The following MIS18BP1 variants were observed in gnomAD, a reference collection of about 807,000 sequenced individuals.
MIS18BP1 encodes the protein mis18-binding protein 1.
A neutral mutation model predicts 116.1 loss-of-function variants in MIS18BP1; 72 were observed. That is an observed-to-expected ratio of 0.62 (90% CI 0.51 to 0.75). The LOEUF is 0.75. Among genes scored for constraint, MIS18BP1 ranks in the 30% least tolerant of loss-of-function variants. The pLI is 0.00. For missense variants in MIS18BP1, 1,363 were observed against 1,303.2 expected (o/e 1.05, Z -0.71); for synonymous variants, 386 against 427.0 (o/e 0.90, Z 1.18).
intron 2 of MIS18BP1, among the ~76,000 whole-genome samples, chr14:45,245,784 A>T (rs1891707208): frequency 6.6e-6 from 1 of 152,216 alleles, no homozygotes; most frequent in South Asian, 2.1e-4. Context: ...TGCTTTTAAA[A>T]TACCATTTAG....
intron 1 of MIS18BP1, among the ~76,000 whole-genome samples, chr14:45,252,785 AT>A (rs1186192906): frequency 1.4e-3 from 207 of 148,360 alleles, no homozygotes; most frequent in Middle Eastern, 6.9e-3. Flanking sequence ...AAAAAAAAAA[AT>A]TTATTTTAGA....
intron 14 of MIS18BP1, 150 bp downstream of exon 14, chr14:45,210,230 G>C: frequency 1.3e-6 from 1 of 743,348 alleles, no homozygotes; most frequent in Non-Finnish European, 2.1e-6. Flanking sequence ...TGATGAACTT[G>C]TCCATCCTTA....
intron 11 of MIS18BP1, among the ~76,000 whole-genome samples, chr14:45,221,171 G>C (rs1890962289): frequency 6.6e-6 from 1 of 151,876 alleles, no homozygotes; most frequent in African/African-American, 2.4e-5. Flanking sequence ...GGGCGCGGTG[G>C]CTCAAGCCTG....
At chr14:45,206,227 T>C in intron 14 of MIS18BP1, 57 bp from the exon 15 acceptor site, 1 of 1,188,700 alleles carries the variant, frequency 8.4e-7, no homozygotes, top group Non-Finnish European at 1.2e-6. Flanking sequence ...ACCTAATAAT[T>C]TTAAGTTAAC....
At chr14:45,215,131 G>A (rs1890780541) in intron 13 of MIS18BP1, among the ~76,000 whole-genome samples, 2 of 152,180 alleles carry the variant, frequency 1.3e-5, no homozygotes, top group Admixed American at 1.3e-4. Context: ...GGGATAAAGG[G>A]TACAACCCCT....
intron 4 of MIS18BP1, among the ~76,000 whole-genome samples, chr14:45,241,060 G>T (rs1006235672): frequency 6.6e-6 from 1 of 152,188 alleles, no homozygotes; most frequent in Non-Finnish European, 1.5e-5. Flanking sequence ...AGGATTGCTT[G>T]AGCCCAAAAG....
Position 45,242,024 on chromosome 14 carries a change from G to A in MIS18BP1, c.1143+10C>T, listed in dbSNP as rs777514496. ...ATAGAAATAAATATCTGTCTTAAAA[G>A]TTTTCCCACCTGATTTTTTTTAAGT... On this transcript the variant is annotated intron_variant, in intron 4 of 16. Transcript: ENST00000310806. 4 of 1,589,092 alleles carry A rather than the reference G, an allele frequency of 2.5e-6. No individual in the cohort carries two copies. The African/African-American group carries it at 4.1e-5, about 16-fold the overall frequency.
intron 13 of MIS18BP1, among the ~76,000 whole-genome samples, chr14:45,213,601 A>T (rs1890734489): frequency 6.6e-6 from 1 of 152,224 alleles, no homozygotes; most frequent in Non-Finnish European, 1.5e-5. Flanking sequence ...CCGTAGCATG[A>T]AAGTAGCCAT....
chr14:45,252,841 G>A (rs752525991), intron 1 of MIS18BP1, among the ~76,000 whole-genome samples, 194 bp downstream of exon 1: 1 of 151,986 alleles, frequency 6.6e-6, no homozygotes, highest in African/African-American at 2.4e-5. Flanking sequence ...TTGAGCAATC[G>A]TGTTCTACTC....
At chr14:45,240,339 G>A (rs943080687) in intron 4 of MIS18BP1, among the ~76,000 whole-genome samples, 4 of 152,128 alleles carry the variant, frequency 2.6e-5, no homozygotes, top group Non-Finnish European at 5.9e-5. Context: ...AATATAAAGC[G>A]TAACACTTCT....
chr14:45,250,534 G>A (rs1255914648), intron 1 of MIS18BP1, among the ~76,000 whole-genome samples: 2 of 144,874 alleles, frequency 1.4e-5, no homozygotes, highest in Admixed American at 6.8e-5. Context: ...CCTAACAGAT[G>A]GAGGTCACTA....
At chr14:45,206,309 C>T (rs966574343) in intron 14 of MIS18BP1, 139 bp from the exon 15 acceptor site, 2 of 623,472 alleles carry the variant, frequency 3.2e-6, no homozygotes, top group African/African-American at 3.7e-5. Context: ...TTTTTTGAAA[C>T]AGGGTCTCAC....
At chr14:45,218,071 G>A (rs1942412246) in intron 12 of MIS18BP1, among the ~76,000 whole-genome samples, 2 of 152,154 alleles carry the variant, frequency 1.3e-5, no homozygotes, top group East Asian at 1.9e-4. Flanking sequence ...CCTAAAACTC[G>A]AAGCACAAGG....
At chr14:45,221,273 CT>C (rs1890966521) in intron 11 of MIS18BP1, among the ~76,000 whole-genome samples, 2 of 152,018 alleles carry the variant, frequency 1.3e-5, no homozygotes, top group African/African-American at 2.4e-5. Flanking sequence ...CCCGTCTCTA[CT>C]GAAAATACAA....
chr14:45,206,763 TC>T (rs1383144845), intron 14 of MIS18BP1, among the ~76,000 whole-genome samples: 1 of 152,350 alleles, frequency 6.6e-6, no homozygotes, highest in East Asian at 1.9e-4. Flanking sequence ...CTACGCTCTT[TC>T]CGGTATCTTG....
In MIS18BP1 at chr14:45,223,976, A is replaced by C; in HGVS notation, c.2611T>G (p.Leu871Val). ...TCCTTATCCTGAATTAAACCAGGTA[A>C]GCATTCTAAGGGATGCCTATTTGTC... ...DKTNRHPLECLPGLIQDKEWN... is the reference protein window; with the variant it reads ...DKTNRHPLECVPGLIQDKEWN... The change falls in exon 11 of 17, where the codon TTA (leucine) becomes GTA (valine). Residue 871 changes from leucine (L) to valine (V), a missense_variant. Leu to Val is a conservative substitution (Grantham distance 32, BLOSUM62 1). Transcript: ENST00000310806. The C allele has an allele frequency of 1.2e-6, 2 of 1,606,768 alleles. No homozygotes were observed. The highest frequency in any genetic ancestry group is 1.7e-6 in the Non-Finnish European group (2 of 1,178,258).
rs182761054 is a variant in MIS18BP1 at position 45,227,658 on chromosome 14, C to T, written c.1746+5G>A. On this transcript the variant is annotated splice_donor_5th_base_variant and intron_variant, in intron 9 of 16. Coordinates refer to ENST00000310806, the MANE Select transcript of MIS18BP1 (RefSeq NM_018353.5). The stretch of plus-strand genomic sequence containing the variant: ...TGAACTATACAGTGTACAATAAAGC[C>T]TTACCTGATTAGATAAGTCATCTCC... 4.3e-6 allele frequency: 7 copies of T among 1,610,766 alleles called. No individual in the cohort carries two copies. The highest frequency in any genetic ancestry group is 1.7e-4 in the Middle Eastern group (1 of 6,048).
chr14:45,222,419 C>T (rs1890999513), intron 11 of MIS18BP1, among the ~76,000 whole-genome samples: 1 of 152,096 alleles, frequency 6.6e-6, no homozygotes, highest in African/African-American at 2.4e-5. Flanking sequence ...ATTAAATATA[C>T]TTAACTTCAA....
intron 6 of MIS18BP1, among the ~76,000 whole-genome samples, chr14:45,233,855 G>A (rs187536135): frequency 6.6e-6 from 1 of 152,230 alleles, no homozygotes; most frequent in African/African-American, 2.4e-5. Flanking sequence ...CAAATAAGCA[G>A]GTGGAAAATG....
Sources: gnomAD v4.1 joint callset for allele counts (sites outside exome capture counted in the v4.1 genomes callset) on GRCh38, gnomAD v4.1.1 for gene constraint, MANE v1.5 for transcripts, NCBI Gene and HGNC (gene_info 2026-07-23, HGNC 2026-07-21) for gene names.